FAXDC2: variants seen among roughly 807,000 people sequenced by gnomAD.
FAXDC2 encodes fatty acid hydroxylase domain-containing protein 2.
FAXDC2 carries 41 observed loss-of-function variants against 40.9 expected under a neutral mutation model. The observed-to-expected ratio is 1.00, with a 90% CI of 0.78 to 1.30. The LOEUF (loss-of-function observed/expected upper bound fraction) is 1.30. Among genes scored for constraint, FAXDC2 ranks in the 50% most tolerant of loss-of-function variants. The probability of loss-of-function intolerance (pLI) is 0.00; values close to 1 mark genes in which losing one functional copy is unlikely to be tolerated. For missense variants in FAXDC2, 390 were observed against 408.8 expected (o/e 0.95, Z 0.40); for synonymous variants, 157 against 149.3 (o/e 1.05, Z -0.38).
intron 1 of FAXDC2, among the ~76,000 whole-genome samples, chr5:154,840,242 CATTTT>C (rs1376825357): frequency 6.6e-6 from 1 of 152,030 alleles, no homozygotes; most frequent in Non-Finnish European, 1.5e-5. Context: ...CCCTTTGACC[CATTTT>C]TTTTATTATT....
chr5:154,840,571 C>T (rs1405549224), intron 1 of FAXDC2, among the ~76,000 whole-genome samples: 1 of 151,980 alleles, frequency 6.6e-6, no homozygotes, highest in East Asian at 1.9e-4. Flanking sequence ...CTCTGTTGCC[C>T]AGGCTGGAGT....
chr5:154,846,471 A>G (rs1760602970), intron 1 of FAXDC2, among the ~76,000 whole-genome samples: 1 of 152,216 alleles, frequency 6.6e-6, no homozygotes, highest in Non-Finnish European at 1.5e-5. Flanking sequence ...GGAGGATAAT[A>G]GCATACTTAT....
At chr5:154,842,515 T>G (rs1256328919) in intron 1 of FAXDC2, among the ~76,000 whole-genome samples, 3 of 94,240 alleles carry the variant, frequency 3.2e-5, no homozygotes, top group East Asian at 2.7e-4. Context: ...TTTGTGTGTT[T>G]TTTTTTTTTT....
chr5:154,820,111 G>C lies in FAXDC2; in HGVS notation c.*205C>G, dbSNP rs371465106. The C allele has an allele frequency of 8.9e-5, 49 of 553,066 alleles. No homozygotes were observed. Among genetic ancestry groups the C allele is most frequent in the African/African-American group, 7.7e-4 (40 of 52,024 alleles). The allele number at this position is 553,066 out of a possible 1,614,324, so 34.3% of individuals were successfully genotyped here. ...TTTCCTTTTTCTTAAGCTAACTCCT[G>C]ATCCCATTGAGGGACATCAAGGGCA... On this transcript the variant is annotated 3_prime_UTR_variant, in exon 9 of 9. Coordinates refer to ENST00000326080, the MANE Select transcript of FAXDC2 (RefSeq NM_032385.5).
chr5:154,834,230 A>G (rs1760263718), intron 4 of FAXDC2, among the ~76,000 whole-genome samples: 1 of 152,048 alleles, frequency 6.6e-6, no homozygotes, highest in African/African-American at 2.4e-5. Context: ...GCTGTCAGTA[A>G]ATATTTATTG....
chr5:154,842,830 CT>C (rs984871975), intron 1 of FAXDC2, among the ~76,000 whole-genome samples: 11 of 147,988 alleles, frequency 7.4e-5, no homozygotes, highest in South Asian at 2.2e-4. Flanking sequence ...GCACCCGGCC[CT>C]TTTTTTTTAA....
chr5:154,822,354 G>A, intron 7 of FAXDC2, 118 bp downstream of exon 7: 2 of 713,708 alleles, frequency 2.8e-6, no homozygotes, highest in Non-Finnish European at 5.0e-6. Context: ...ATAAATGGTA[G>A]CTATTTTTAA....
intron 1 of FAXDC2, among the ~76,000 whole-genome samples, chr5:154,847,692 T>C (rs1310797059): frequency 6.6e-6 from 1 of 150,736 alleles, no homozygotes; most frequent in Non-Finnish European, 1.5e-5. Flanking sequence ...GGTTTCACCA[T>C]GTTGGCCAGG....
Position 154,820,476 on chromosome 5 carries a change from G to C in FAXDC2, c.846-4C>G. On this transcript the variant is annotated splice_polypyrimidine_tract_variant and splice_region_variant and intron_variant, in intron 8 of 8. Coordinates refer to ENST00000326080, the MANE Select transcript of FAXDC2 (RefSeq NM_032385.5). ...CACCCCATAGCACTGGTTGAACCTAGAAGAGAGAGGACGGCACTGCAGTGC... is the reference window on the plus strand; with the variant it reads ...CACCCCATAGCACTGGTTGAACCTACAAGAGAGAGGACGGCACTGCAGTGC... 1 of 1,606,490 alleles carries C rather than the reference G, an allele frequency of 6.2e-7. No homozygotes were observed. Among genetic ancestry groups the C allele is most frequent in the Non-Finnish European group, 8.5e-7 (1 of 1,176,222 alleles).
chr5:154,823,297 A>G, intron 6 of FAXDC2, 90 bp downstream of exon 6: 1 of 1,206,540 alleles, frequency 8.3e-7, no homozygotes, highest in Non-Finnish European at 1.2e-6. Context: ...TACAAGCGTG[A>G]GTCACTGCAC....
intron 1 of FAXDC2, among the ~76,000 whole-genome samples, chr5:154,840,413 G>A (rs1760450441): frequency 6.6e-6 from 1 of 151,974 alleles, no homozygotes; most frequent in African/African-American, 2.4e-5. Context: ...TTTAGGAGAT[G>A]GGGTCTCACC....
At chr5:154,838,416 C>T in intron 1 of FAXDC2, 1 of 512,052 alleles carries the variant, frequency 2.0e-6, no homozygotes, top group Non-Finnish European at 3.4e-6. Flanking sequence ...GAGGGGGCTA[C>T]TAGGTCTACC....
At chr5:154,827,620 C>T (rs1307357147) in intron 5 of FAXDC2, among the ~76,000 whole-genome samples, 1 of 152,028 alleles carries the variant, frequency 6.6e-6, no homozygotes, top group East Asian at 1.9e-4. Flanking sequence ...ACTGCAGCCT[C>T]AACCTCCTGG....
chr5:154,831,253 C>G (rs1454026922), intron 4 of FAXDC2: 1 of 198,840 alleles, frequency 5.0e-6, no homozygotes, highest in African/African-American at 2.3e-5. Context: ...GGAGTCTGCG[C>G]CCACTGAACC....
chr5:154,837,837 C>T (rs1296423891), intron 2 of FAXDC2, among the ~76,000 whole-genome samples: 21 of 152,112 alleles, frequency 1.4e-4, no homozygotes, highest in Admixed American at 1.3e-3. Flanking sequence ...AGGCCCGAGG[C>T]ATAGGACATG....
In FAXDC2 at chr5:154,834,904, T is replaced by A. The variant is rs1157133274; in HGVS notation, c.79A>T (p.Thr27Ser). 2 of 1,606,612 alleles carry A rather than the reference T, an allele frequency of 1.2e-6. No homozygotes were observed. Among genetic ancestry groups the A allele is most frequent in the Non-Finnish European group, 1.7e-6 (2 of 1,176,060 alleles). The change falls in exon 3 of 9, where the codon ACA becomes TCA. Residue 27 changes from threonine to serine, a missense_variant. Thr to Ser is a moderately conservative substitution (Grantham distance 58). Transcript: ENST00000326080. ...AGTCCAGAGCCCAGGATGAAAGCTG[T>A]CCTCCTCATAGAGCCCCAGATGTGT... ...EGHIWGSMRR[T>S]AFILGSGLLS... is the part of the protein sequence containing the mutation.
At chr5:154,823,343 G>A in intron 6 of FAXDC2, 44 bp downstream of exon 6, 1 of 1,579,730 alleles carries the variant, frequency 6.3e-7, no homozygotes, top group African/African-American at 1.3e-5. Context: ...GTGAGCCCTA[G>A]ACAGGATGAG....
At chr5:154,849,661 A>C (rs905935742) in intron 1 of FAXDC2, among the ~76,000 whole-genome samples, 2 of 152,240 alleles carry the variant, frequency 1.3e-5, no homozygotes, top group African/African-American at 4.8e-5. Flanking sequence ...GCTGATGCTC[A>C]GTGCATCTGT....
At chr5:154,835,034 C>T (rs1760285131) in intron 2 of FAXDC2, 100 bp from the exon 3 acceptor site, 1 of 752,174 alleles carries the variant, frequency 1.3e-6, no homozygotes, top group Non-Finnish European at 2.3e-6. Context: ...ATCAGCATCT[C>T]AACCAACCAG....
Sources: gnomAD v4.1 joint callset for allele counts (sites outside exome capture counted in the v4.1 genomes callset) on GRCh38, gnomAD v4.1.1 for gene constraint, MANE v1.5 for transcripts, NCBI Gene and HGNC (gene_info 2026-07-23, HGNC 2026-07-21) for gene names.